Variants in ITPK1 observed in about 807,000 individuals in gnomAD.
ITPK1 encodes the protein inositol 1,3,4-trisphosphate 5/6-kinase.
ITPK1 carries 21 observed loss-of-function variants against 45.3 expected under a neutral mutation model. That is an observed-to-expected ratio of 0.46 (90% CI 0.33 to 0.67). The LOEUF (loss-of-function observed/expected upper bound fraction) is 0.67, where lower values mean the gene tolerates loss of function less well. Ranked by LOEUF, ITPK1 falls within the 30% of genes least tolerant of loss-of-function variation. ITPK1 has a pLI of 0.02. For synonymous variants in ITPK1, 258 were observed against 253.6 expected (o/e 1.02, Z -0.16); for missense variants, 474 against 573.5 (o/e 0.83, Z 1.77).
In ITPK1 at chr14:93,004,855, A is replaced by T. The variant is rs139247111; in HGVS notation, c.247-10858T>A. On this transcript the variant is annotated intron_variant, in intron 4 of 10. Transcript: ENST00000267615. ...ATGTCAACCACAAAGGGCCACAGGC[A>T]TGGGCCAGGGGAGAAAGGGTACTCC... 5.6e-4 allele frequency among the ~76,000 whole-genome samples: 85 copies of T among 151,864 alleles called. No individual in the cohort carries two copies. In the East Asian group the frequency reaches 0.016, roughly 29 times the overall value.
intron 2 of ITPK1, among the ~76,000 whole-genome samples, chr14:93,080,105 T>A (rs1891379227): frequency 6.6e-6 from 1 of 152,212 alleles, no homozygotes; most frequent in Non-Finnish European, 1.5e-5. Flanking sequence ...CCACGAGGAA[T>A]TATCTCCAAG....
chr14:93,016,923 G>C lies in ITPK1; in HGVS notation c.121-122C>G. On this transcript the variant is annotated intron_variant, in intron 3 of 10. Transcript: ENST00000267615. The surrounding 1 kb of genome is among the most constrained non-coding windows in gnomAD (Gnocchi z 5.0). Reference sequence around the variant, plus strand: ...CCTCGAGCCTCCCTGTAGCACTCTGGAGATGGGGCAGGAGGAGGGCTGACA... The same window carrying C: ...CCTCGAGCCTCCCTGTAGCACTCTGCAGATGGGGCAGGAGGAGGGCTGACA... 7.6e-7 allele frequency: 1 copy of C among 1,311,248 alleles called. No individual in the cohort carries two copies. Among genetic ancestry groups the C allele is most frequent in the Non-Finnish European group, 1.0e-6 (1 of 953,390 alleles). 81.2% of individuals were successfully genotyped at this position (1,311,248 alleles called of 1,614,324 possible).
chr14:93,041,212 G>A (rs1889549422), intron 3 of ITPK1, among the ~76,000 whole-genome samples: 1 of 152,152 alleles, frequency 6.6e-6, no homozygotes. Flanking sequence ...ATAAGGCAAG[G>A]GCCAGGCTTC....
intron 2 of ITPK1, among the ~76,000 whole-genome samples, chr14:93,080,822 C>T (rs1219182803): frequency 1.3e-5 from 2 of 152,048 alleles, no homozygotes; most frequent in Admixed American, 6.5e-5. Context: ...CTGCAACCTC[C>T]GCCTCCTGGG....
At chr14:93,106,895 T>C (rs1231826707) in intron 2 of ITPK1, among the ~76,000 whole-genome samples, 1 of 152,132 alleles carries the variant, frequency 6.6e-6, no homozygotes, top group Non-Finnish European at 1.5e-5. Flanking sequence ...ACAAGTGGCT[T>C]TGGCTGAGCC....
At chr14:92,967,588 C>T (rs571506526) in intron 5 of ITPK1, among the ~76,000 whole-genome samples, 12 of 152,248 alleles carry the variant, frequency 7.9e-5, no homozygotes, top group African/African-American at 2.2e-4. Context: ...AACATATGTC[C>T]GCATAAAATC....
intron 3 of ITPK1, among the ~76,000 whole-genome samples, chr14:93,065,913 T>TCCC (rs1471782584): frequency 2.0e-5 from 3 of 151,854 alleles, no homozygotes; most frequent in Non-Finnish European, 4.4e-5. Context: ...GCTCAACTGT[T>TCCC]CCCCCAAATG....
At chr14:93,027,176 CA>C (rs1013348339) in intron 3 of ITPK1, among the ~76,000 whole-genome samples, 1 of 152,150 alleles carries the variant, frequency 6.6e-6, no homozygotes, top group African/African-American at 2.4e-5. Context: ...GGGAGAGGAC[CA>C]GGGGGCTTGT....
At chr14:93,059,327 AAGCAGGGGGGAGGGGGTGCG>A (rs1890395336) in intron 3 of ITPK1, among the ~76,000 whole-genome samples, 2 of 9,214 alleles carry the variant, frequency 2.2e-4, no homozygotes, top group Non-Finnish European at 1.8e-4. Context: ...TGCGGGTCCT[AAGCAGGGGGGAGGGGGTGCG>A]GGTCACAAGG....
chr14:93,091,482 T>A (rs1005159131), intron 2 of ITPK1, among the ~76,000 whole-genome samples: 4 of 152,202 alleles, frequency 2.6e-5, no homozygotes, highest in African/African-American at 4.8e-5. Context: ...CTTTTTAATC[T>A]TCAGGGCCTT....
At chr14:92,984,818 T>A (rs1232401048) in intron 5 of ITPK1, among the ~76,000 whole-genome samples, 1 of 152,190 alleles carries the variant, frequency 6.6e-6, no homozygotes, top group African/African-American at 2.4e-5. Context: ...TAATTCTGTA[T>A]GATGACTGTT....
chr14:93,084,098 T>C (rs1240412109), intron 2 of ITPK1, among the ~76,000 whole-genome samples: 1 of 152,108 alleles, frequency 6.6e-6, no homozygotes, highest in Admixed American at 6.5e-5. Context: ...GGAAAAAGCA[T>C]TCCACTGCCA....
At chr14:93,071,234 C>T (rs1890989216) in intron 3 of ITPK1, 1 of 153,318 alleles carries the variant, frequency 6.5e-6, no homozygotes, top group African/African-American at 2.4e-5. Context: ...GCCCAACAGA[C>T]CAGGTCTGCA....
In ITPK1 at chr14:93,006,827, C is replaced by T. The variant is rs371324784; in HGVS notation, c.246+9849G>A. Among the ~76,000 whole-genome samples the T allele has an allele frequency of 8.7e-4, 132 of 152,346 alleles. 4 individuals carry two copies. In the South Asian group the frequency reaches 0.026, roughly 30 times the overall value. On this transcript the variant is annotated intron_variant, in intron 4 of 10. Coordinates refer to ENST00000267615, the MANE Select transcript of ITPK1 (RefSeq NM_014216.6). ...TATTATTTGGAGACAGCAAACTCCC[C>T]CTTTTTCCAGGCCTGCCACTGAAAA...
chr14:93,082,641 A>G (rs1037044082), intron 2 of ITPK1, among the ~76,000 whole-genome samples: 1 of 152,118 alleles, frequency 6.6e-6, no homozygotes, highest in Admixed American at 6.5e-5. Flanking sequence ...TCCAGTCCAC[A>G]TGACTGGGGG....
chr14:93,054,461 T>C (rs1890142136), intron 3 of ITPK1, among the ~76,000 whole-genome samples: 1 of 152,158 alleles, frequency 6.6e-6, no homozygotes, highest in Non-Finnish European at 1.5e-5. Context: ...ACAGACCCTA[T>C]ATTCCCAAAG....
At chr14:92,952,126 G>T in intron 8 of ITPK1, 113 bp from the exon 9 acceptor site, 1 of 824,498 alleles carries the variant, frequency 1.2e-6, no homozygotes, top group Non-Finnish European at 2.0e-6. Flanking sequence ...GTGGCCCCCG[G>T]CTCTGCAGAG....
intron 3 of ITPK1, among the ~76,000 whole-genome samples, chr14:93,044,193 G>A (rs1446617457): frequency 1.3e-5 from 2 of 152,208 alleles, no homozygotes; most frequent in African/African-American, 2.4e-5. Flanking sequence ...CTGGTGGTGT[G>A]GGACAACAGA....
intron 5 of ITPK1, among the ~76,000 whole-genome samples, chr14:92,988,736 C>G (rs1886629463): frequency 6.6e-6 from 1 of 152,168 alleles, no homozygotes; most frequent in Non-Finnish European, 1.5e-5. Context: ...CAAATCTGCC[C>G]CACTAGCTCT....
Sources: gnomAD v4.1 joint callset for allele counts (sites outside exome capture counted in the v4.1 genomes callset) on GRCh38, gnomAD v4.1.1 for gene constraint, Gnocchi (gnomAD v3.1) non-coding constraint, MANE v1.5 for transcripts, NCBI Gene and HGNC (gene_info 2026-07-23, HGNC 2026-07-21) for gene names.